Variants in RUNDC3B observed in about 807,000 individuals in gnomAD.
The protein encoded by RUNDC3B is RUN domain-containing protein 3B.
In RUNDC3B, 33 loss-of-function variants were observed where a neutral mutation model predicts 58.4. The observed-to-expected ratio is 0.56, with a 90% confidence interval of 0.43 to 0.75. The LOEUF is 0.75. RUNDC3B is among the 30% of genes least tolerant of loss of function. RUNDC3B has a pLI of 0.00. For missense variants in RUNDC3B, 501 were observed against 535.7 expected, an observed-to-expected ratio of 0.94 and a Z score of 0.64; for synonymous variants, 193 against 195.2, an observed-to-expected ratio of 0.99 and a Z score of 0.10.
intron 2 of RUNDC3B, among the ~76,000 whole-genome samples, chr7:87,689,996 A>T (rs1190908749): frequency 2.6e-5 from 4 of 152,046 alleles, no homozygotes; most frequent in Admixed American, 1.3e-4. Context: ...TTTTTTAAAA[A>T]TTTTTAAATT....
At chr7:87,807,176 G>A (rs745791695) in intron 8 of RUNDC3B, among the ~76,000 whole-genome samples, 197 bp from the exon 9 acceptor site, 20 of 151,736 alleles carry the variant, frequency 1.3e-4, no homozygotes, top group South Asian at 2.1e-4. Context: ...TGTAACCAGC[G>A]GAAAAAAAAT....
chr7:87,753,340 T>C, intron 6 of RUNDC3B, among the ~76,000 whole-genome samples: 1 of 151,860 alleles, frequency 6.6e-6, no homozygotes, highest in South Asian at 2.1e-4. Flanking sequence ...CTGAAAAAAA[T>C]GTATATTCTG....
chr7:87,641,902 C>T (rs1482994086), intron 1 of RUNDC3B, among the ~76,000 whole-genome samples: 1 of 151,856 alleles, frequency 6.6e-6, no homozygotes, highest in East Asian at 1.9e-4. Context: ...TTTACAGAAC[C>T]AAATCTTCTG....
rs531878217 is a variant in RUNDC3B, at chr7:87,820,081, A to C, written c.1225+3819A>C. 7.2e-5 allele frequency among the ~76,000 whole-genome samples: 11 copies of C among 152,322 alleles called. No homozygotes were observed. In the East Asian group the frequency reaches 2.1e-3, roughly 29 times the overall value. Reference sequence around the variant, plus strand: ...ATAGAGACACAAAAAACCCTTCAAAAAATTAATGAATCCAGGAACTGGTTT... The same window carrying C: ...ATAGAGACACAAAAAACCCTTCAAACAATTAATGAATCCAGGAACTGGTTT... On this transcript the variant is annotated intron_variant, in intron 10 of 10. Coordinates refer to ENST00000394654, the MANE Select transcript of RUNDC3B (RefSeq NM_001134405.2).
intron 1 of RUNDC3B, among the ~76,000 whole-genome samples, chr7:87,644,172 A>G (rs1025177734): frequency 6.6e-6 from 1 of 152,210 alleles, no homozygotes; most frequent in African/African-American, 2.4e-5. Flanking sequence ...CAAATTGTTG[A>G]TTCTGAAAAA....
intron 6 of RUNDC3B, among the ~76,000 whole-genome samples, chr7:87,742,060 G>C (rs900934901): frequency 6.6e-6 from 1 of 152,094 alleles, no homozygotes; most frequent in Admixed American, 6.6e-5. Flanking sequence ...TTAAAGAGTT[G>C]TAGCAATTTA....
chr7:87,695,247 G>T (rs1217836929), intron 2 of RUNDC3B, among the ~76,000 whole-genome samples: 1 of 152,016 alleles, frequency 6.6e-6, no homozygotes, highest in Non-Finnish European at 1.5e-5. Context: ...TACCTTCAAA[G>T]CTGGATGGTC....
chr7:87,659,912 A>G (rs1303217285), intron 2 of RUNDC3B, among the ~76,000 whole-genome samples: 2 of 152,126 alleles, frequency 1.3e-5, no homozygotes, highest in Admixed American at 1.3e-4. Flanking sequence ...AATTACATCA[A>G]TTGTTTTTCT....
At chr7:87,819,173 T>A (rs945649359) in intron 10 of RUNDC3B, among the ~76,000 whole-genome samples, 3 of 152,124 alleles carry the variant, frequency 2.0e-5, no homozygotes, top group Non-Finnish European at 2.9e-5. Flanking sequence ...GTCCGACTGA[T>A]TATTCAGTAA....
At chr7:87,650,536 G>T (rs1300154238) in intron 1 of RUNDC3B, among the ~76,000 whole-genome samples, 2 of 151,942 alleles carry the variant, frequency 1.3e-5, no homozygotes, top group Non-Finnish European at 2.9e-5. Flanking sequence ...CCTCCCAAAG[G>T]CACCCACCCT....
rs182783075 is a variant in RUNDC3B, at chr7:87,696,445, G to A, written c.239-3976G>A. Among the ~76,000 whole-genome samples, 37 of 151,996 alleles carry A rather than the reference G, an allele frequency of 2.4e-4. No individual in the cohort carries two copies. In the East Asian group the frequency reaches 5.6e-3, roughly 23 times the overall value. Reference sequence around the variant, plus strand: ...ATAAAAGTGATGTTCAAATAATATCGCAGATAACTCATTGAACACATCTAT... The same window carrying A: ...ATAAAAGTGATGTTCAAATAATATCACAGATAACTCATTGAACACATCTAT... On this transcript the variant is annotated intron_variant, in intron 2 of 10. Transcript: ENST00000394654.
intron 8 of RUNDC3B, among the ~76,000 whole-genome samples, chr7:87,783,747 CT>C (rs1835065551): frequency 6.6e-6 from 1 of 152,108 alleles, no homozygotes; most frequent in African/African-American, 2.4e-5. Flanking sequence ...TATACATTTC[CT>C]TTTCTTATGA....
intron 5 of RUNDC3B, among the ~76,000 whole-genome samples, chr7:87,741,124 G>A (rs1832299456): frequency 6.6e-6 from 1 of 151,400 alleles, no homozygotes; most frequent in Non-Finnish European, 1.5e-5. Flanking sequence ...AGAATCGCTG[G>A]AACCCGGGAG....
intron 2 of RUNDC3B, among the ~76,000 whole-genome samples, chr7:87,679,315 C>T (rs1212460437): frequency 6.7e-6 from 1 of 149,238 alleles, no homozygotes; most frequent in Admixed American, 6.7e-5. Flanking sequence ...GGATGGTCTC[C>T]ATCTCCTGAC....
chr7:87,774,507 ATAATCT>A (rs1184394676), intron 7 of RUNDC3B, among the ~76,000 whole-genome samples: 4 of 152,156 alleles, frequency 2.6e-5, no homozygotes, highest in South Asian at 2.1e-4. Context: ...TAAGGCACAG[ATAATCT>A]TAAGAATGGA....
At chr7:87,723,886 CTT>C (rs1310167464) in intron 4 of RUNDC3B, among the ~76,000 whole-genome samples, 1 of 152,096 alleles carries the variant, frequency 6.6e-6, no homozygotes, top group Non-Finnish European at 1.5e-5. Flanking sequence ...GATAAAGCGT[CTT>C]TGCCAACATT....
chr7:87,709,055 G>C (rs927987326), intron 3 of RUNDC3B, among the ~76,000 whole-genome samples: 5 of 151,930 alleles, frequency 3.3e-5, no homozygotes, highest in Admixed American at 3.3e-4. Context: ...TTTGTCTTCT[G>C]TTCTATTAAA....
chr7:87,688,579 T>C (rs1330778060), intron 2 of RUNDC3B, among the ~76,000 whole-genome samples: 2 of 151,990 alleles, frequency 1.3e-5, no homozygotes, highest in African/African-American at 2.4e-5. Flanking sequence ...TTTTGATCAG[T>C]AGTGACCTTT....
chr7:87,794,178 T>C (rs1159046582), intron 8 of RUNDC3B, among the ~76,000 whole-genome samples: 1 of 152,230 alleles, frequency 6.6e-6, no homozygotes, highest in Non-Finnish European at 1.5e-5. Flanking sequence ...GGCTCACGCC[T>C]GTAATCCCAG....
Sources: allele counts gnomAD v4.1 joint callset (sites outside exome capture counted in the v4.1 genomes callset), GRCh38; gene constraint gnomAD v4.1.1; transcripts MANE v1.5; gene names NCBI Gene and HGNC (gene_info 2026-07-23, HGNC 2026-07-21).